The following CAMTA1 variants were observed in gnomAD, a reference collection of about 807,000 sequenced individuals.
The protein encoded by CAMTA1 is calmodulin binding transcription activator 1, also known as calmodulin-binding transcription activator 1.
CAMTA1 carries 27 observed loss-of-function variants against 170.9 expected under a neutral mutation model. The ratio of observed to expected loss-of-function variants is 0.16; its 90% CI spans 0.12 to 0.22. The LOEUF (loss-of-function observed/expected upper bound fraction) is 0.22, where lower values mean the gene tolerates loss of function less well. Among genes scored for constraint, CAMTA1 ranks in the 10% least tolerant of loss-of-function variants. CAMTA1 has a pLI of 1.00. For missense variants in CAMTA1, 1,619 were observed against 2,217.2 expected (o/e 0.73, Z 5.42); for synonymous variants, 833 against 891.5 (o/e 0.93, Z 1.17).
At chr1:7,516,750 C>A (rs1335417233) in intron 6 of CAMTA1, among the ~76,000 whole-genome samples, 1 of 152,140 alleles carries the variant, frequency 6.6e-6, no homozygotes, top group Non-Finnish European at 1.5e-5. Context: ...TTTTCCACTC[C>A]CCACAGGCCA....
chr1:7,198,319 T>G (rs1237875627), intron 4 of CAMTA1, among the ~76,000 whole-genome samples: 1 of 151,950 alleles, frequency 6.6e-6, no homozygotes, highest in Non-Finnish European at 1.5e-5. Flanking sequence ...AGCTTAGGTG[T>G]GCCCCCACTC....
At chr1:7,468,016 T>G in intron 6 of CAMTA1, 115 bp downstream of exon 6, 3 of 830,686 alleles carry the variant, frequency 3.6e-6, no homozygotes, top group Non-Finnish European at 6.0e-6. Context: ...AGAGCCCTGG[T>G]GAGCTTGCCT....
chr1:7,299,715 G>A lies in CAMTA1; in HGVS notation c.438+50089G>A, dbSNP rs987792671. Among the ~76,000 whole-genome samples the A allele has an allele frequency of 6.6e-6, 1 of 152,180 alleles. No individual in the cohort carries two copies. The highest frequency in any genetic ancestry group is 2.4e-5 in the African/African-American group (1 of 41,438). ...GTGCCCTGTACAAGCAGGGACTGTGGGTGAGAGGGTACAAGGAGGTGTTCC... is the reference window on the plus strand; with the variant it reads ...GTGCCCTGTACAAGCAGGGACTGTGAGTGAGAGGGTACAAGGAGGTGTTCC... On this transcript the variant is annotated intron_variant, in intron 5 of 22. Coordinates refer to ENST00000303635, the MANE Select transcript of CAMTA1 (RefSeq NM_015215.4). This position sits in a 1 kb window ranked among gnomAD's most constrained non-coding sequence, Gnocchi z 4.7.
rs1417690367 is a variant in CAMTA1 at position 7,333,127 on chromosome 1, C to T, written c.438+83501C>T. Among the ~76,000 whole-genome samples, 1 of 152,206 alleles carries T rather than the reference C, an allele frequency of 6.6e-6. No homozygotes were observed. The stretch of plus-strand genomic sequence containing the variant: ...ACAGAATCCTCTTTAGTCCTAGTGG[C>T]AGGTCACCCAGTGACTGGCATTCAG... On this transcript the variant is annotated intron_variant, in intron 5 of 22. Coordinates refer to ENST00000303635, the MANE Select transcript of CAMTA1 (RefSeq NM_015215.4). The surrounding 1 kb of genome is among the most constrained non-coding windows in gnomAD (Gnocchi z 4.4).
At chr1:7,399,830 A>T (rs1356772892) in intron 5 of CAMTA1, among the ~76,000 whole-genome samples, 1 of 152,208 alleles carries the variant, frequency 6.6e-6, no homozygotes, top group Non-Finnish European at 1.5e-5. Flanking sequence ...GTTTGTGCTG[A>T]GAAATCTGCT....
chr1:7,769,116 G>T lies in CAMTA1; in HGVS notation c.*2625G>T, dbSNP rs1330257141. On this transcript the variant is annotated 3_prime_UTR_variant, in exon 23 of 23. Transcript: ENST00000303635. ...GTTCTCATGGAGGGGATAGGAAGTA[G>T]GTTTAAAGCCTACCAGTGTAACCTA... 2.0e-5 allele frequency: 3 copies of T among 152,642 alleles called. No individual in the cohort carries two copies. The highest frequency in any genetic ancestry group is 7.2e-5 in the African/African-American group (3 of 41,404). 9.5% of individuals were successfully genotyped at this position (152,642 alleles called of 1,614,324 possible).
At chr1:7,281,539 T>A (rs1053381510) in intron 5 of CAMTA1, among the ~76,000 whole-genome samples, 2 of 152,208 alleles carry the variant, frequency 1.3e-5, no homozygotes, top group African/African-American at 2.4e-5. Context: ...ACGAGCATGT[T>A]CTTAAATGAA....
chr1:7,646,714 AGAGGCCATGGTGACTGTGAGGGTG>A (rs1337676983), intron 7 of CAMTA1, among the ~76,000 whole-genome samples: 2 of 133,304 alleles, frequency 1.5e-5, no homozygotes, highest in Non-Finnish European at 3.2e-5. Flanking sequence ...TGAGTTGGGT[AGAGGCCATGGTGACTGTGAGGGTG>A]GAGGCCATGG....
chr1:7,407,606 G>A (rs960523864), intron 5 of CAMTA1, among the ~76,000 whole-genome samples: 2 of 152,194 alleles, frequency 1.3e-5, no homozygotes, highest in Non-Finnish European at 2.9e-5. Context: ...GGGGGTGACT[G>A]CAAAGGTGGT....
At chr1:7,045,595 G>GT (rs1705253048) in intron 3 of CAMTA1, among the ~76,000 whole-genome samples, 1 of 152,226 alleles carries the variant, frequency 6.6e-6, no homozygotes, top group Non-Finnish European at 1.5e-5. Context: ...CCCTTAGCAA[G>GT]AAGGGTTTCT....
chr1:7,451,871 G>A (rs1478489939), intron 5 of CAMTA1, among the ~76,000 whole-genome samples: 3 of 152,196 alleles, frequency 2.0e-5, no homozygotes, highest in African/African-American at 7.2e-5. Flanking sequence ...GCTGGGCCGC[G>A]TGTGCAGACC....
In CAMTA1 at chr1:7,351,847, A is replaced by G. The variant is rs550416583; in HGVS notation, c.438+102221A>G. On this transcript the variant is annotated intron_variant, in intron 5 of 22. Transcript: ENST00000303635. ...TGTGGGCTTGACATTTATGGCAAGTATAAACAGAGCGTTATTACTACCAAA... is the reference window on the plus strand; with the variant it reads ...TGTGGGCTTGACATTTATGGCAAGTGTAAACAGAGCGTTATTACTACCAAA... Among the ~76,000 whole-genome samples the G allele has an allele frequency of 3.4e-4, 52 of 152,380 alleles. 2 individuals are homozygous for G. The South Asian group carries it at 0.01, about 30-fold the overall frequency.
At chr1:7,192,105 C>T (rs767126392) in intron 4 of CAMTA1, among the ~76,000 whole-genome samples, 11 of 152,194 alleles carry the variant, frequency 7.2e-5, no homozygotes, top group African/African-American at 2.7e-4. Flanking sequence ...TTTGGATAAT[C>T]GCATGTCAAG....
chr1:7,676,230 T>G (rs1030892542), intron 10 of CAMTA1, among the ~76,000 whole-genome samples: 9 of 152,242 alleles, frequency 5.9e-5, no homozygotes, highest in African/African-American at 2.2e-4. Context: ...GGTTCTGGAC[T>G]TGGCCGGGGC....
chr1:6,896,157 C>T (rs1456309053), intron 3 of CAMTA1, among the ~76,000 whole-genome samples: 1 of 152,214 alleles, frequency 6.6e-6, no homozygotes, highest in Non-Finnish European at 1.5e-5. Flanking sequence ...CTGCTCTAAA[C>T]TTTGCCTTTT....
At chr1:6,941,079 A>G (rs1041041317) in intron 3 of CAMTA1, among the ~76,000 whole-genome samples, 7 of 151,816 alleles carry the variant, frequency 4.6e-5, no homozygotes. Context: ...AGGAGCCCAC[A>G]TGGCCTGGAA....
chr1:6,914,642 C>T (rs572071134), intron 3 of CAMTA1, among the ~76,000 whole-genome samples: 1 of 152,312 alleles, frequency 6.6e-6, no homozygotes, highest in South Asian at 2.1e-4. Flanking sequence ...TATTCCCAGG[C>T]AGGCCCCTAG....
At chr1:7,133,135 T>C (rs1645358040) in intron 4 of CAMTA1, among the ~76,000 whole-genome samples, 3 of 152,342 alleles carry the variant, frequency 2.0e-5, no homozygotes, top group Admixed American at 2.0e-4. Flanking sequence ...TCCGCTCCTA[T>C]ATTCTGGAAA....
At position 7,663,651 on chromosome 1, in the gene CAMTA1, C is replaced by T. The variant is rs763138117; in HGVS notation, c.1104C>T (p.Ser368=). ...TGTCCATCAGCAGCGGGCTCAACAG[C>T]GACCCGGACATGGTGGACAGCCCGG... ...SPVSISSGLN[S]DPDMVDSPVV... Residue 368 remains serine, a synonymous_variant, in exon 9 of 23, where the codon AGC becomes AGT. Transcript: ENST00000303635. 15 of 1,614,050 alleles carry T rather than the reference C, an allele frequency of 9.3e-6. No individual in the cohort carries two copies. The highest frequency in any genetic ancestry group is 5.5e-5 in the South Asian group (5 of 91,090).
Sources: gnomAD v4.1 joint callset for allele counts (sites outside exome capture counted in the v4.1 genomes callset) on GRCh38, gnomAD v4.1.1 for gene constraint, Gnocchi (gnomAD v3.1) non-coding constraint, MANE v1.5 for transcripts, NCBI Gene and HGNC (gene_info 2026-07-23, HGNC 2026-07-21) for gene names.